The following SLC2A14 variants were observed in gnomAD, a reference collection of about 807,000 sequenced individuals.
SLC2A14 encodes solute carrier family 2, facilitated glucose transporter member 14.
SLC2A14 carries 13 observed loss-of-function variants against 43.0 expected under a neutral mutation model. That is an observed-to-expected ratio of 0.30 (90% CI 0.20 to 0.48). The LOEUF (loss-of-function observed/expected upper bound fraction) is 0.48. SLC2A14 is among the 20% of genes least tolerant of loss of function. The pLI, the probability that SLC2A14 is intolerant of heterozygous loss-of-function variation, is 0.99. For missense variants in SLC2A14, 428 were observed against 620.4 expected, an observed-to-expected ratio of 0.69 and a Z score of 3.29; for synonymous variants, 190 against 233.8, an observed-to-expected ratio of 0.81 and a Z score of 1.71.
At chr12:7,855,797 C>T (rs1005305896) in intron 2 of SLC2A14, among the ~76,000 whole-genome samples, 6 of 151,938 alleles carry the variant, frequency 3.9e-5, no homozygotes, top group East Asian at 1.9e-4. Flanking sequence ...TCCACCAGCC[C>T]GGCTAATTTT....
In SLC2A14 at chr12:7,846,096, A is replaced by T. The variant is rs758590436; in HGVS notation, c.19-13282T>A. Reference sequence around the variant, plus strand: ...TGACAAAGGGAGACCTTGTCTAAACAAAAAAAAGAAAGAAAGAAAGAAAAA... The same window carrying T: ...TGACAAAGGGAGACCTTGTCTAAACTAAAAAAAGAAAGAAAGAAAGAAAAA... On this transcript the variant is annotated intron_variant, in intron 2 of 10. Transcript: ENST00000431042. Among the ~76,000 whole-genome samples the T allele has an allele frequency of 3.9e-5, 6 of 151,910 alleles. No individual in the cohort carries two copies. The East Asian group carries it at 1.2e-3, about 29-fold the overall frequency.
intron 7 of SLC2A14, among the ~76,000 whole-genome samples, chr12:7,826,858 C>CCTTTCTTTCTT (rs1565507403): frequency 0.13 from 5,794 of 43,086 alleles, 784 homozygotes; most frequent in Admixed American, 0.19. Context: ...TCCTTCCTTT[C>CCTTTCTTTCTT]TTTTTTCTTT....
intron 1 of SLC2A14, among the ~76,000 whole-genome samples, chr12:7,886,515 T>C (rs1299842141): frequency 6.6e-6 from 1 of 151,942 alleles, no homozygotes; most frequent in East Asian, 1.9e-4. Context: ...AAATTTTTCA[T>C]AATAAAAAGG....
intron 10 of SLC2A14, 34 bp from the exon 11 acceptor site, chr12:7,814,568 T>A: frequency 6.3e-7 from 1 of 1,592,566 alleles, no homozygotes; most frequent in Non-Finnish European, 8.5e-7. Context: ...AAGGTTGATA[T>A]AAAAATCTGG....
rs761097821 is a variant in SLC2A14, at chr12:7,827,479, A to G, written c.864+16T>C. On this transcript the variant is annotated intron_variant, in intron 7 of 10. Coordinates refer to ENST00000431042, the MANE Select transcript of SLC2A14 (RefSeq NM_001286234.2). ...AATATTGTAAGACACGTTTGACCCT[A>G]AAGTATCACACTCACAGCATTGATC... 1 of 1,610,130 alleles carries G rather than the reference A, an allele frequency of 6.2e-7. No homozygotes were observed. The highest frequency in any genetic ancestry group is 1.3e-5 in the African/African-American group (1 of 74,448).
chr12:7,874,882 A>C (rs1407884586), upstream of SLC2A14, among the ~76,000 whole-genome samples: 2 of 85,640 alleles, frequency 2.3e-5, no homozygotes, highest in African/African-American at 1.1e-4. Flanking sequence ...ATATAAATAT[A>C]TATTTATATA....
At chr12:7,878,330 T>A (rs1003477202), upstream of SLC2A14, among the ~76,000 whole-genome samples, 2 of 150,766 alleles carry the variant, frequency 1.3e-5, no homozygotes, top group African/African-American at 2.4e-5. Flanking sequence ...AGATCACAGG[T>A]GTCAGTCACT....
intron 2 of SLC2A14, chr12:7,839,692 T>C (rs894264929): frequency 8.4e-5 from 29 of 346,998 alleles, no homozygotes; most frequent in Admixed American, 7.2e-4. Flanking sequence ...TTAATCCTAA[T>C]TGTAGTGATA....
chr12:7,878,976 CAAAAAAAAAAAAA>C (rs58838986), intron 1 of SLC2A14, among the ~76,000 whole-genome samples: 7 of 69,322 alleles, frequency 1.0e-4, no homozygotes, highest in African/African-American at 2.3e-4. Context: ...GAGTCCGTCT[CAAAAAAAAAAAAA>C]AAAAAAAAAA....
intron 7 of SLC2A14, among the ~76,000 whole-genome samples, chr12:7,823,382 C>CAA (rs58264594): frequency 5.4e-4 from 72 of 134,106 alleles, no homozygotes; most frequent in South Asian, 1.2e-3. Context: ...GACTCCATAT[C>CAA]AAAAAAAAAA....
At chr12:7,889,066 T>G (rs769419396) in intron 1 of SLC2A14, among the ~76,000 whole-genome samples, 11 of 151,992 alleles carry the variant, frequency 7.2e-5, no homozygotes, top group Non-Finnish European at 1.3e-4. Flanking sequence ...TGCATATTAA[T>G]GTTACAGGAA....
intron 2 of SLC2A14, chr12:7,839,984 C>T (rs1865803246): frequency 2.7e-6 from 1 of 366,162 alleles, no homozygotes; most frequent in African/African-American, 2.2e-5. Context: ...TGGTGGTTTG[C>T]ACTTGTAGTC....
intron 1 of SLC2A14, among the ~76,000 whole-genome samples, chr12:7,883,020 C>G (rs1444090174): frequency 1.3e-5 from 2 of 151,590 alleles, no homozygotes; most frequent in Admixed American, 6.6e-5. Context: ...ACCATCCTGG[C>G]CAACATGGTG....
rs938773963 is a variant in SLC2A14 at position 7,867,294 on chromosome 12, A to C, written c.18+2569T>G. Among the ~76,000 whole-genome samples the C allele has an allele frequency of 1.1e-3, 135 of 126,490 alleles. 6 individuals carry two copies. The highest frequency in any genetic ancestry group is 2.7e-3 in the East Asian group (11 of 4,128). The allele number at this position is 126,490 out of a possible 152,430, so 83.0% of individuals were successfully genotyped here. A position where few individuals can be genotyped will look rare whatever the true frequency, so the allele number is the denominator to read the frequency against. On this transcript the variant is annotated intron_variant, in intron 2 of 10. Transcript: ENST00000431042. Reference sequence around the variant, plus strand: ...AGACTCCGTCTCAAAAAAAAAAAAAAAAAAAACAAAAAAAACATTCGTGAT... The same window carrying C: ...AGACTCCGTCTCAAAAAAAAAAAAACAAAAAACAAAAAAAACATTCGTGAT...
chr12:7,870,851 A>G, intron 1 of SLC2A14: 1 of 1,277,014 alleles, frequency 7.8e-7, no homozygotes, highest in Non-Finnish European at 1.0e-6. Context: ...CTGAAGCCAA[A>G]ATGTTCAGCA....
chr12:7,876,349 C>T (rs1180548000), upstream of SLC2A14, among the ~76,000 whole-genome samples: 3 of 148,606 alleles, frequency 2.0e-5, no homozygotes, highest in East Asian at 2.0e-4. Context: ...CTTGTGAGGA[C>T]GCAGCAAGAG....
At chr12:7,875,239 ATT>A (rs1195780144), upstream of SLC2A14, among the ~76,000 whole-genome samples, 5 of 98,260 alleles carry the variant, frequency 5.1e-5, no homozygotes, top group Non-Finnish European at 8.5e-5. Context: ...ATTTTTATAT[ATT>A]TATATATATA....
intron 2 of SLC2A14, among the ~76,000 whole-genome samples, chr12:7,859,946 G>C (rs907696377): frequency 6.6e-6 from 1 of 152,144 alleles, no homozygotes; most frequent in Non-Finnish European, 1.5e-5. Context: ...GAGAGAAATA[G>C]ACTTGGAAAG....
intron 4 of SLC2A14, among the ~76,000 whole-genome samples, chr12:7,830,861 T>A (rs1026571479): frequency 6.6e-6 from 1 of 152,134 alleles, no homozygotes; most frequent in African/African-American, 2.4e-5. Context: ...CAGTGGCTCA[T>A]GCCTGTAAGC....
Sources: gnomAD v4.1 joint callset for allele counts (sites outside exome capture counted in the v4.1 genomes callset) on GRCh38, gnomAD v4.1.1 for gene constraint, MANE v1.5 for transcripts, NCBI Gene and HGNC (gene_info 2026-07-23, HGNC 2026-07-21) for gene names.